CEP112: variants seen among roughly 807,000 people sequenced by gnomAD.
CEP112 encodes centrosomal protein 112.
In CEP112, 127 loss-of-function variants were observed where a neutral mutation model predicts 153.0. The ratio of observed to expected loss-of-function variants is 0.83; its 90% confidence interval spans 0.72 to 0.96. The LOEUF (loss-of-function observed/expected upper bound fraction) is 0.96, where lower values mean the gene tolerates loss of function less well. Among genes scored for constraint, CEP112 ranks in the 40% least tolerant of loss-of-function variants. The pLI is 0.00. For missense variants in CEP112, 1,089 were observed against 1,101.2 expected, an observed-to-expected ratio of 0.99 and a Z score of 0.16; for synonymous variants, 358 against 374.4, an observed-to-expected ratio of 0.96 and a Z score of 0.51.
rs1027594072 is a variant in CEP112 at position 65,766,085 on chromosome 17, T to C, written c.2395-15361A>G. ...AACTCAAAAAAATTACAAGAGAATATAGAGAGACAATTTGATGATATCAAT... is the reference window on the plus strand; with the variant it reads ...AACTCAAAAAAATTACAAGAGAATACAGAGAGACAATTTGATGATATCAAT... On this transcript the variant is annotated intron_variant, in intron 21 of 26. Transcript: ENST00000535342. Among the ~76,000 whole-genome samples the C allele has an allele frequency of 3.5e-5, 5 of 144,732 alleles. No homozygotes were observed. In the South Asian group the frequency reaches 9.1e-4, roughly 26 times the overall value. 94.9% of individuals were successfully genotyped at this position (144,732 alleles called of 152,430 possible). A position where few individuals can be genotyped will look rare whatever the true frequency, so the allele number is the denominator to read the frequency against.
intron 11 of CEP112, among the ~76,000 whole-genome samples, chr17:66,054,676 T>C (rs2066602355): frequency 6.6e-6 from 1 of 152,188 alleles, no homozygotes; most frequent in African/African-American, 2.4e-5. Context: ...CTAACTTCCA[T>C]TCCCTGCATC....
At position 65,912,427 on chromosome 17, in the gene CEP112, A is replaced by G. The variant is rs189855203; in HGVS notation, c.1981-10093T>C. On this transcript the variant is annotated intron_variant, in intron 19 of 26. Transcript: ENST00000535342. ...CGGAATACAGAGGAAACCACCATGG[A>G]GGTGGCTCAGTGCTATCAGTGCCCC... 5.3e-5 allele frequency among the ~76,000 whole-genome samples: 8 copies of G among 152,258 alleles called. No homozygotes were observed. The East Asian group carries it at 1.5e-3, about 29-fold the overall frequency.
intron 14 of CEP112, 56 bp from the exon 15 acceptor site, chr17:66,028,461 T>C: frequency 1.0e-6 from 1 of 976,506 alleles, no homozygotes; most frequent in Non-Finnish European, 1.5e-6. Context: ...TACCATATTA[T>C]ACTTTCTGAT....
At position 65,836,301 on chromosome 17, in the gene CEP112, G is replaced by T. The variant is rs574290388; in HGVS notation, c.2394+15503C>A. Among the ~76,000 whole-genome samples, 3 of 152,294 alleles carry T rather than the reference G, an allele frequency of 2.0e-5. No individual in the cohort carries two copies. In the East Asian group the frequency reaches 5.8e-4, roughly 29 times the overall value. ...ACTCTTTCCTATCAATAATAACTTTGAATGCAAATGGGTTAAATTCTCCAA... is the reference window on the plus strand; with the variant it reads ...ACTCTTTCCTATCAATAATAACTTTTAATGCAAATGGGTTAAATTCTCCAA... On this transcript the variant is annotated intron_variant, in intron 21 of 26. Transcript: ENST00000535342.
At chr17:66,169,196 A>T (rs1167094541) in intron 4 of CEP112, among the ~76,000 whole-genome samples, 2 of 152,070 alleles carry the variant, frequency 1.3e-5, no homozygotes, top group Non-Finnish European at 2.9e-5. Flanking sequence ...AGAAGTCCAC[A>T]TGATACAGGT....
At chr17:65,873,406 C>T (rs2058727027) in intron 20 of CEP112, 1 of 152,100 alleles carries the variant, frequency 6.6e-6, no homozygotes, top group Non-Finnish European at 1.5e-5. Context: ...ATTCCTTGAC[C>T]TCTTGATCTG....
At chr17:65,697,659 T>C (rs2048421670) in intron 23 of CEP112, among the ~76,000 whole-genome samples, 1 of 152,206 alleles carries the variant, frequency 6.6e-6, no homozygotes, top group Non-Finnish European at 1.5e-5. Flanking sequence ...GTGACATTTT[T>C]ACTGGGTGGT....
chr17:65,749,733 T>A (rs2051700500), intron 22 of CEP112, among the ~76,000 whole-genome samples: 1 of 84,180 alleles, frequency 1.2e-5, no homozygotes, highest in African/African-American at 3.6e-5. Flanking sequence ...AAAGACTGAA[T>A]GAGTCAACAT....
chr17:65,709,013 A>G (rs1027697601), intron 23 of CEP112, among the ~76,000 whole-genome samples: 2 of 151,506 alleles, frequency 1.3e-5, no homozygotes, highest in Admixed American at 6.6e-5. Flanking sequence ...GTTTTATCCT[A>G]TTTCCCCGGC....
intron 18 of CEP112, among the ~76,000 whole-genome samples, chr17:65,934,413 A>AAG (rs2030282782): frequency 6.6e-6 from 1 of 152,228 alleles, no homozygotes; most frequent in Admixed American, 6.5e-5. Context: ...AAAGGATTCA[A>AAG]AGCATATCAC....
At chr17:66,025,813 G>A (rs2065176117) in intron 16 of CEP112, among the ~76,000 whole-genome samples, 1 of 151,712 alleles carries the variant, frequency 6.6e-6, no homozygotes, top group African/African-American at 2.4e-5. Context: ...TCTACCCAAA[G>A]GAAAAGGTCA....
At chr17:65,728,979 T>G (rs2050338836) in intron 23 of CEP112, among the ~76,000 whole-genome samples, 1 of 151,658 alleles carries the variant, frequency 6.6e-6, no homozygotes, top group Admixed American at 6.6e-5. Flanking sequence ...TTTATAAACT[T>G]AAAAAAAAAT....
At chr17:66,115,466 G>A (rs1297128876) in intron 6 of CEP112, among the ~76,000 whole-genome samples, 6 of 152,166 alleles carry the variant, frequency 3.9e-5, no homozygotes, top group African/African-American at 7.2e-5. Context: ...TCTTGAAATC[G>A]ACCCAAGAGT....
intron 21 of CEP112, among the ~76,000 whole-genome samples, chr17:65,811,924 TTC>T (rs572887196): frequency 4.9e-4 from 74 of 152,302 alleles, no homozygotes; most frequent in Admixed American, 9.2e-4. Flanking sequence ...CTGTAAATTA[TTC>T]TCTTTTTCTT....
intron 12 of CEP112, among the ~76,000 whole-genome samples, chr17:66,041,345 T>TA (rs36002671): frequency 0.41 from 62,454 of 151,848 alleles, 14,316 homozygotes; most frequent in East Asian, 0.87. Context: ...GTTAATTTAT[T>TA]AAAAAACACC....
At chr17:65,877,703 T>A (rs906375342) in intron 20 of CEP112, among the ~76,000 whole-genome samples, 4 of 152,190 alleles carry the variant, frequency 2.6e-5, no homozygotes, top group African/African-American at 9.7e-5. Flanking sequence ...AAAAACACTA[T>A]GTAAAACTGC....
chr17:65,942,926 A>G (rs760021497), intron 18 of CEP112, among the ~76,000 whole-genome samples: 16 of 152,246 alleles, frequency 1.1e-4, no homozygotes, highest in African/African-American at 2.2e-4. Flanking sequence ...GCAATTATAT[A>G]TAAGTACACA....
chr17:66,039,460 TAAG>T (rs931222555), intron 12 of CEP112, among the ~76,000 whole-genome samples: 5 of 152,220 alleles, frequency 3.3e-5, no homozygotes, highest in African/African-American at 7.2e-5. Context: ...CATATTTTCA[TAAG>T]AAGAAGAATT....
Position 65,989,883 on chromosome 17 carries a change from T to G in CEP112, c.1736+15807A>C, listed in dbSNP as rs561544889. 6.6e-5 allele frequency among the ~76,000 whole-genome samples: 10 copies of G among 152,292 alleles called. No individual in the cohort carries two copies. The South Asian group carries it at 2.1e-3, about 32-fold the overall frequency. ...AACATAAAGTCTAAATGTGGAGAGA[T>G]AAAGTATGTAAGTTTTTTCATTTTT... On this transcript the variant is annotated intron_variant, in intron 17 of 26. Coordinates refer to ENST00000535342, the MANE Select transcript of CEP112 (RefSeq NM_001199165.4).
Sources: allele counts gnomAD v4.1 joint callset (sites outside exome capture counted in the v4.1 genomes callset), GRCh38; gene constraint gnomAD v4.1.1; transcripts MANE v1.5; gene names NCBI Gene and HGNC (gene_info 2026-07-23, HGNC 2026-07-21).